CSMD1: variants seen among roughly 807,000 people sequenced by gnomAD.
The protein encoded by CSMD1 is CUB and sushi domain-containing protein 1.
CSMD1 carries 213 observed loss-of-function variants against 417.5 expected under a neutral mutation model. That is an observed-to-expected ratio of 0.51 (90% CI 0.46 to 0.57). The LOEUF (loss-of-function observed/expected upper bound fraction) is 0.57, where lower values mean the gene tolerates loss of function less well. Ranked by LOEUF, CSMD1 falls within the 20% of genes least tolerant of loss-of-function variation. The pLI is 0.00. For synonymous variants in CSMD1, 2,862 were observed against 1,736.8 expected, an observed-to-expected ratio of 1.65 and a Z score of -16.11; for missense variants, 6,923 against 4,529.7, an observed-to-expected ratio of 1.53 and a Z score of -15.17.
At chr8:4,092,044 G>A (rs774062982) in intron 3 of CSMD1, among the ~76,000 whole-genome samples, 7 of 152,038 alleles carry the variant, frequency 4.6e-5, no homozygotes, top group Non-Finnish European at 8.8e-5. Flanking sequence ...CAGGGAAGGG[G>A]GCAATTTTAT....
chr8:3,883,456 G>C (rs1201190607), intron 5 of CSMD1, among the ~76,000 whole-genome samples: 1 of 152,076 alleles, frequency 6.6e-6, no homozygotes, highest in African/African-American at 2.4e-5. Flanking sequence ...GTATGCTCGT[G>C]TATAAGTGTG....
chr8:4,847,864 C>T (rs927651406), intron 1 of CSMD1, among the ~76,000 whole-genome samples: 5 of 149,602 alleles, frequency 3.3e-5, no homozygotes, highest in African/African-American at 1.2e-4. Context: ...TCATTATATT[C>T]CCAGATATAT....
chr8:3,777,217 T>C (rs1798941974), intron 5 of CSMD1, among the ~76,000 whole-genome samples: 1 of 151,816 alleles, frequency 6.6e-6, no homozygotes, highest in Middle Eastern at 3.2e-3. Flanking sequence ...AAATCTGCCT[T>C]CTCCTATAGA....
At chr8:3,247,446 C>T (rs1799955789) in intron 26 of CSMD1, among the ~76,000 whole-genome samples, 1 of 152,164 alleles carries the variant, frequency 6.6e-6, no homozygotes, top group Non-Finnish European at 1.5e-5. Context: ...TCTGACAAAC[C>T]ATTTCAGATA....
At chr8:3,548,624 T>C (rs1798775912) in intron 10 of CSMD1, among the ~76,000 whole-genome samples, 2 of 149,306 alleles carry the variant, frequency 1.3e-5, no homozygotes, top group Admixed American at 1.3e-4. Context: ...ATGCCATTAA[T>C]TCAACCCTTT....
chr8:4,627,469 C>T (rs907454154), intron 2 of CSMD1, among the ~76,000 whole-genome samples: 19 of 152,134 alleles, frequency 1.2e-4, no homozygotes, highest in African/African-American at 3.6e-4. Flanking sequence ...AGTAAATTAA[C>T]AATTTTACTG....
intron 52 of CSMD1, among the ~76,000 whole-genome samples, chr8:3,009,130 C>T (rs75550811): frequency 0.024 from 3,627 of 152,290 alleles, 148 homozygotes; most frequent in African/African-American, 0.084. Context: ...CGGCTCCTTC[C>T]ATTGGAGCTG....
At chr8:3,039,755 G>C (rs866333466) in intron 50 of CSMD1, among the ~76,000 whole-genome samples, 28 of 152,110 alleles carry the variant, frequency 1.8e-4, no homozygotes, top group Non-Finnish European at 1.5e-4. Flanking sequence ...AGCAACTTGA[G>C]TTACAGCACG....
intron 7 of CSMD1, among the ~76,000 whole-genome samples, chr8:3,644,461 C>T (rs1051959478): frequency 3.3e-5 from 5 of 152,286 alleles, no homozygotes; most frequent in South Asian, 2.1e-4. Context: ...AAGAGAGCAA[C>T]TCTATGTGCT....
intron 1 of CSMD1, among the ~76,000 whole-genome samples, chr8:4,944,816 C>A (rs905554092): frequency 1.7e-4 from 26 of 151,790 alleles, no homozygotes; most frequent in Non-Finnish European, 1.0e-4. Context: ...CAAAATGGTG[C>A]GTGGTGGCTA....
intron 10 of CSMD1, among the ~76,000 whole-genome samples, chr8:3,558,368 GGTGCCTC>G (rs1563152252): frequency 1.4e-4 from 12 of 88,620 alleles, no homozygotes; most frequent in Admixed American, 1.1e-3. Flanking sequence ...AATGATGAAT[GGTGCCTC>G]AGTAGTACCC....
At chr8:4,105,141 T>G (rs1300126355) in intron 3 of CSMD1, among the ~76,000 whole-genome samples, 1 of 152,154 alleles carries the variant, frequency 6.6e-6, no homozygotes, top group Non-Finnish European at 1.5e-5. Context: ...CAATCACTAA[T>G]AACGTACAAC....
At chr8:3,936,961 G>C (rs1237024775) in intron 5 of CSMD1, among the ~76,000 whole-genome samples, 1 of 152,168 alleles carries the variant, frequency 6.6e-6, no homozygotes, top group African/African-American at 2.4e-5. Flanking sequence ...AGCACGAACA[G>C]GAGTTTAAAA....
chr8:4,065,706 T>C (rs1799210279), intron 3 of CSMD1, among the ~76,000 whole-genome samples: 1 of 152,200 alleles, frequency 6.6e-6, no homozygotes, highest in Non-Finnish European at 1.5e-5. Flanking sequence ...ACCACATGTA[T>C]CTGTGCTAGG....
Position 2,940,878 on chromosome 8 carries a change from G to C in CSMD1, c.10535+1594C>G, listed in dbSNP as rs928613288. Among the ~76,000 whole-genome samples the C allele has an allele frequency of 3.3e-5, 5 of 152,150 alleles. No homozygotes were observed. The East Asian group carries it at 5.8e-4, about 18-fold the overall frequency. ...AAGCAAAAATAAATTTGTAGGAATTGTAAGTTCCTACATATGTGTCTCTAT... is the reference window on the plus strand; with the variant it reads ...AAGCAAAAATAAATTTGTAGGAATTCTAAGTTCCTACATATGTGTCTCTAT... On this transcript the variant is annotated intron_variant, in intron 69 of 69. Coordinates refer to ENST00000635120, the MANE Select transcript of CSMD1 (RefSeq NM_033225.6).
intron 1 of CSMD1, among the ~76,000 whole-genome samples, chr8:4,927,216 T>C (rs112520177): frequency 0.037 from 5,567 of 150,822 alleles, 275 homozygotes; most frequent in African/African-American, 0.11. Context: ...AAGTGCTTTT[T>C]GGCTAATTTT....
At chr8:3,057,329 TTA>T (rs1402064365) in intron 49 of CSMD1, among the ~76,000 whole-genome samples, 1 of 152,168 alleles carries the variant, frequency 6.6e-6, no homozygotes, top group Non-Finnish European at 1.5e-5. Flanking sequence ...ACGCAAAACA[TTA>T]TGTTTGTATA....
At chr8:2,956,915 TATCAACATATAATTTGAGTAA>T (rs1441256298) in intron 63 of CSMD1, among the ~76,000 whole-genome samples, 3 of 152,168 alleles carry the variant, frequency 2.0e-5, no homozygotes, top group Non-Finnish European at 2.9e-5. Context: ...GTACATGTAC[TATCAACATATAATTTGAGTAA>T]TGATTTAGAG....
intron 7 of CSMD1, among the ~76,000 whole-genome samples, chr8:3,618,712 G>A (rs1802268889): frequency 6.6e-6 from 1 of 151,990 alleles, no homozygotes; most frequent in Admixed American, 6.6e-5. Flanking sequence ...CTAAATGACA[G>A]TAAAAAAATC....
Sources: gnomAD v4.1 joint callset for allele counts (sites outside exome capture counted in the v4.1 genomes callset) on GRCh38, gnomAD v4.1.1 for gene constraint, MANE v1.5 for transcripts, NCBI Gene and HGNC (gene_info 2026-07-23, HGNC 2026-07-21) for gene names.